The following MIB1 variants were observed in gnomAD, a reference collection of about 807,000 sequenced individuals.
MIB1 encodes the protein E3 ubiquitin-protein ligase MIB1.
In MIB1, 278 loss-of-function variants were observed where a neutral mutation model predicts 124.5. The ratio of observed to expected loss-of-function variants is 2.23; its 90% confidence interval spans 2.02 to 2.47. The LOEUF (loss-of-function observed/expected upper bound fraction) is 2.47, where lower values mean the gene tolerates loss of function less well. Among genes scored for constraint, MIB1 ranks in the 30% most tolerant of loss-of-function variants. MIB1 has a pLI of 0.00. For missense variants in MIB1, 957 were observed against 1,254.4 expected, an observed-to-expected ratio of 0.76 and a Z score of 3.58; for synonymous variants, 446 against 429.4, an observed-to-expected ratio of 1.04 and a Z score of -0.48.
chr18:21,729,273 G>T (rs1374038457), intron 1 of MIB1, among the ~76,000 whole-genome samples: 1 of 152,192 alleles, frequency 6.6e-6, no homozygotes, highest in East Asian at 1.9e-4. Flanking sequence ...GTCATAGTCT[G>T]TTCGGGCTGC....
At chr18:21,862,834 G>C (rs1172701593) in intron 20 of MIB1, among the ~76,000 whole-genome samples, 3 of 152,164 alleles carry the variant, frequency 2.0e-5, no homozygotes, top group African/African-American at 7.2e-5. Context: ...TCTCAGCACT[G>C]CTCCCCACCC....
intron 6 of MIB1, among the ~76,000 whole-genome samples, chr18:21,789,967 A>T (rs138764235): frequency 6.6e-6 from 1 of 152,176 alleles, no homozygotes; most frequent in African/African-American, 2.4e-5. Context: ...TCTGTTATCA[A>T]TTGTGGTACA....
chr18:21,826,003 T>C, intron 12 of MIB1: 1 of 249,972 alleles, frequency 4.0e-6, no homozygotes, highest in Non-Finnish European at 8.0e-6. Flanking sequence ...ATGATCAATG[T>C]ACGTCTTTGT....
Position 21,768,708 on chromosome 18 carries a change from T to C in MIB1, c.487T>C (p.Trp163Arg). 1.2e-6 allele frequency: 2 copies of C among 1,611,368 alleles called. No individual in the cohort carries two copies. Among genetic ancestry groups the C allele is most frequent in the South Asian group, 1.1e-5 (1 of 90,386 alleles). ...TGCCAGAGTGGTGCGAGGAGTGGAC[T>C]GGCAGTGGGAAGATCAAGATGGAGG... is the stretch of plus-strand genomic sequence containing the variant. The part of the protein sequence containing the change: ...AGARVVRGVD[W>R]QWEDQDGGNG... The change falls in exon 3 of 21, where the codon TGG becomes CGG. Residue 163 changes from tryptophan (W) to arginine (R), a missense_variant. Transcript: ENST00000261537.
rs775644764 is a variant in MIB1, at chr18:21,819,664, A to G, written c.1829+18A>G. The stretch of plus-strand genomic sequence containing the variant: ...AATCCCAGGTATGTCACCCCTTACT[A>G]TTTTAGGTGCAATTCAAAAATATTT... On this transcript the variant is annotated intron_variant, in intron 12 of 20. Transcript: ENST00000261537. 5 of 1,456,714 alleles carry G rather than the reference A, an allele frequency of 3.4e-6. No individual in the cohort carries two copies. Among genetic ancestry groups the G allele is most frequent in the South Asian group, 1.6e-5 (1 of 61,962 alleles). The allele number at this position is 1,456,714 out of a possible 1,614,324, so 90.2% of individuals were successfully genotyped here.
intron 1 of MIB1, among the ~76,000 whole-genome samples, chr18:21,744,098 T>C (rs77069722): frequency 7.8e-4 from 79 of 100,856 alleles, no homozygotes; most frequent in African/African-American, 3.3e-3. Context: ...TTCTTCAGGG[T>C]TTTTTTTTTT....
intron 10 of MIB1, among the ~76,000 whole-genome samples, chr18:21,812,681 C>T (rs1568212081): frequency 6.6e-6 from 1 of 152,090 alleles, no homozygotes; most frequent in Admixed American, 6.6e-5. Flanking sequence ...TAAATAAGAG[C>T]AGGTTTTGGA....
intron 12 of MIB1, among the ~76,000 whole-genome samples, chr18:21,835,145 G>A (rs919896372): frequency 1.3e-5 from 2 of 152,064 alleles, no homozygotes; most frequent in Admixed American, 6.5e-5. Context: ...AAAATATTAT[G>A]TTTAGTCTCA....
intron 1 of MIB1, among the ~76,000 whole-genome samples, chr18:21,744,640 C>T (rs1387358427): frequency 2.0e-5 from 3 of 152,162 alleles, no homozygotes; most frequent in Middle Eastern, 3.2e-3. Flanking sequence ...TAATGAAAAA[C>T]AATCTTGTTA....
chr18:21,842,154 A>C (rs1465244925), intron 13 of MIB1, among the ~76,000 whole-genome samples: 1 of 148,970 alleles, frequency 6.7e-6, no homozygotes, highest in Non-Finnish European at 1.5e-5. Context: ...CCTTCTGACC[A>C]CACTTCAAAG....
chr18:21,835,047 C>A (rs2146495938), intron 12 of MIB1, among the ~76,000 whole-genome samples: 1 of 152,302 alleles, frequency 6.6e-6, no homozygotes, highest in South Asian at 2.1e-4. Flanking sequence ...GGCTAGTTGA[C>A]CCTTGCATTA....
intron 10 of MIB1, among the ~76,000 whole-genome samples, chr18:21,805,664 C>T (rs1279755507): frequency 2.6e-5 from 4 of 152,156 alleles, no homozygotes; most frequent in Admixed American, 2.0e-4. Context: ...CAAAGTCCTT[C>T]TGATTACAGC....
intron 11 of MIB1, 89 bp downstream of exon 11, chr18:21,815,902 T>TA (rs2041826225): frequency 6.9e-6 from 8 of 1,166,290 alleles, no homozygotes; most frequent in Middle Eastern, 2.3e-4. Flanking sequence ...ATTCCTTTGT[T>TA]ACCGTTCTCA....
chr18:21,764,296 C>T (rs940571988), intron 1 of MIB1, among the ~76,000 whole-genome samples: 8 of 152,024 alleles, frequency 5.3e-5, no homozygotes, highest in African/African-American at 1.9e-4. Context: ...GATCCTTGCC[C>T]CTCCCCTCCC....
chr18:21,798,253 A>G (rs1174376856), intron 8 of MIB1, 25 bp downstream of exon 8: 3 of 1,610,344 alleles, frequency 1.9e-6, no homozygotes, highest in Non-Finnish European at 2.5e-6. Flanking sequence ...GTGTTTCTTT[A>G]AGAGTAATGT....
chr18:21,835,730 A>G (rs1253485992), intron 12 of MIB1, among the ~76,000 whole-genome samples: 3 of 148,834 alleles, frequency 2.0e-5, no homozygotes, highest in South Asian at 4.3e-4. Context: ...AGATTGAGCT[A>G]CTGCACTCCA....
chr18:21,838,770 A>G (rs1178101258), intron 13 of MIB1, among the ~76,000 whole-genome samples: 2 of 152,204 alleles, frequency 1.3e-5, no homozygotes, highest in African/African-American at 2.4e-5. Context: ...ATGGGCATCA[A>G]CTAACAGAGA....
chr18:21,856,861 T>C (rs1003916940), intron 18 of MIB1, among the ~76,000 whole-genome samples: 33 of 152,380 alleles, frequency 2.2e-4, no homozygotes, highest in African/African-American at 7.0e-4. Context: ...GTGTCACTTA[T>C]TTCTTTAAAA....
chr18:21,746,309 G>A (rs1264829189), intron 1 of MIB1, among the ~76,000 whole-genome samples: 1 of 152,104 alleles, frequency 6.6e-6, no homozygotes, highest in Admixed American at 6.5e-5. Flanking sequence ...AGTTGTATGC[G>A]GGTCTCTAAT....
Sources: gnomAD v4.1 joint callset for allele counts (sites outside exome capture counted in the v4.1 genomes callset) on GRCh38, gnomAD v4.1.1 for gene constraint, MANE v1.5 for transcripts, NCBI Gene and HGNC (gene_info 2026-07-23, HGNC 2026-07-21) for gene names.